CDK14: variants seen among roughly 807,000 people sequenced by gnomAD.
CDK14 encodes cyclin-dependent kinase 14.
In CDK14, 34 loss-of-function variants were observed where a neutral mutation model predicts 60.7. The observed-to-expected ratio is 0.56, with a 90% CI of 0.43 to 0.75. CDK14 has a LOEUF of 0.75. Among genes scored for constraint, CDK14 ranks in the 30% least tolerant of loss-of-function variants. The probability of loss-of-function intolerance (pLI) is 0.00; values close to 1 mark genes in which losing one functional copy is unlikely to be tolerated. For synonymous variants in CDK14, 197 were observed against 203.7 expected, an observed-to-expected ratio of 0.97 and a Z score of 0.28; for missense variants, 482 against 564.1, an observed-to-expected ratio of 0.85 and a Z score of 1.47.
chr7:90,668,013 C>T (rs1801020575), intron 2 of CDK14, among the ~76,000 whole-genome samples: 1 of 152,112 alleles, frequency 6.6e-6, no homozygotes, highest in Non-Finnish European at 1.5e-5. Context: ...TACAAGTTTT[C>T]ATGTTGATGT....
At chr7:91,001,566 A>T in intron 10 of CDK14, among the ~76,000 whole-genome samples, 1 of 152,210 alleles carries the variant, frequency 6.6e-6, no homozygotes, top group East Asian at 1.9e-4. Flanking sequence ...TGTTTCTTTC[A>T]TGGGAAAGGC....
At chr7:90,946,975 A>G (rs1794120078) in intron 8 of CDK14, among the ~76,000 whole-genome samples, 1 of 152,132 alleles carries the variant, frequency 6.6e-6, no homozygotes. Context: ...TTAAAACAAA[A>G]CAAACCAACA....
chr7:90,641,350 A>G (rs12672866), intron 2 of CDK14, among the ~76,000 whole-genome samples: 46,994 of 151,922 alleles, frequency 0.31, 8,178 homozygotes, highest in East Asian at 0.67. Context: ...CATTGTTCAT[A>G]ATAGCCAAAA....
rs549170160 is a variant in CDK14, at chr7:90,626,004, G to T, written c.123+21755G>T. On this transcript the variant is annotated intron_variant, in intron 2 of 14. Coordinates refer to ENST00000380050, the MANE Select transcript of CDK14 (RefSeq NM_001287135.2). ...TTCCATTTTTCTTTGTACTATGGAA[G>T]AAGAACTATGAGTTAATTTTAATTT... Among the ~76,000 whole-genome samples the T allele has an allele frequency of 1.1e-4, 17 of 152,320 alleles. No homozygotes were observed. In the South Asian group the frequency reaches 1.2e-3, roughly 11 times the overall value.
At chr7:90,598,123 C>A (rs984806504) in intron 1 of CDK14, among the ~76,000 whole-genome samples, 2 of 152,110 alleles carry the variant, frequency 1.3e-5, no homozygotes, top group African/African-American at 2.4e-5. Flanking sequence ...GTTCTGGAGT[C>A]CATTAAGCCG....
intron 5 of CDK14, among the ~76,000 whole-genome samples, chr7:90,844,318 T>G (rs138293269): frequency 1.3e-5 from 2 of 152,254 alleles, no homozygotes; most frequent in Non-Finnish European, 2.9e-5. Context: ...TCAGGTGGCT[T>G]TGATTGGGGG....
chr7:90,925,102 AG>A (rs1364601584), intron 8 of CDK14, among the ~76,000 whole-genome samples: 1 of 152,208 alleles, frequency 6.6e-6, no homozygotes, highest in Non-Finnish European at 1.5e-5. Flanking sequence ...TCAAGTTTAT[AG>A]GCCTAAAATA....
intron 14 of CDK14, among the ~76,000 whole-genome samples, chr7:91,170,246 T>C (rs1186124268): frequency 6.6e-6 from 1 of 152,042 alleles, no homozygotes; most frequent in East Asian, 1.9e-4. Flanking sequence ...AAAATAATAA[T>C]AAATGCTCAT....
intron 5 of CDK14, among the ~76,000 whole-genome samples, chr7:90,847,059 T>G (rs1019116851): frequency 6.6e-5 from 10 of 152,192 alleles, no homozygotes; most frequent in Non-Finnish European, 1.2e-4. Flanking sequence ...CTGCTTTATC[T>G]TACTTAGGGA....
intron 3 of CDK14, among the ~76,000 whole-genome samples, chr7:90,739,964 C>T (rs570122602): frequency 6.9e-4 from 105 of 152,116 alleles, no homozygotes; most frequent in African/African-American, 2.3e-3. Context: ...ACTAGTCAGG[C>T]GACTTTGAAT....
At chr7:90,676,946 GT>G (rs10668053) in intron 2 of CDK14, among the ~76,000 whole-genome samples, 40 of 149,134 alleles carry the variant, frequency 2.7e-4, no homozygotes, top group East Asian at 5.9e-4. Context: ...TGTATATCAA[GT>G]TTTTTTTTTT....
chr7:90,815,024 T>C (rs1428316913), intron 5 of CDK14, among the ~76,000 whole-genome samples: 1 of 152,242 alleles, frequency 6.6e-6, no homozygotes, highest in Non-Finnish European at 1.5e-5. Flanking sequence ...AACAATCTTT[T>C]TCCTTCTTTT....
intron 2 of CDK14, among the ~76,000 whole-genome samples, chr7:90,676,268 G>A (rs1801196505): frequency 6.6e-6 from 1 of 152,186 alleles, no homozygotes; most frequent in South Asian, 2.1e-4. Context: ...ATTGAGGGAG[G>A]CTTTACATTC....
chr7:91,073,863 A>G (rs1003524757), intron 11 of CDK14, among the ~76,000 whole-genome samples: 2 of 152,174 alleles, frequency 1.3e-5, no homozygotes, highest in Non-Finnish European at 2.9e-5. Context: ...TAGTCTCTTG[A>G]CAAAACAGAC....
chr7:91,112,519 C>G (rs771385540), intron 12 of CDK14, 23 bp from the exon 13 acceptor site: 3 of 1,605,690 alleles, frequency 1.9e-6, no homozygotes, highest in Non-Finnish European at 2.6e-6. Context: ...GGTCTGACCT[C>G]TCTTTTTTGC....
intron 7 of CDK14, among the ~76,000 whole-genome samples, chr7:90,903,342 G>C (rs1792581387): frequency 6.6e-6 from 1 of 152,084 alleles, no homozygotes; most frequent in Admixed American, 6.6e-5. Context: ...GATAGATAAA[G>C]AAAATGCAGT....
chr7:91,187,613 G>A (rs1802230729), intron 14 of CDK14, among the ~76,000 whole-genome samples: 4 of 152,156 alleles, frequency 2.6e-5, no homozygotes. Context: ...ACACACACGA[G>A]GAGTGAGTTT....
chr7:90,750,732 G>A (rs1248281867), intron 4 of CDK14, among the ~76,000 whole-genome samples: 2 of 152,060 alleles, frequency 1.3e-5, no homozygotes, highest in African/African-American at 4.8e-5. Context: ...AATTAGCTAG[G>A]TGTGGTGGCA....
chr7:90,741,298 C>T (rs1054935828), intron 3 of CDK14, among the ~76,000 whole-genome samples: 1 of 152,152 alleles, frequency 6.6e-6, no homozygotes, highest in Admixed American at 6.5e-5. Flanking sequence ...TTTTTATTAG[C>T]ATTAATGATG....
Sources: gnomAD v4.1 joint callset for allele counts (sites outside exome capture counted in the v4.1 genomes callset) on GRCh38, gnomAD v4.1.1 for gene constraint, MANE v1.5 for transcripts, NCBI Gene and HGNC (gene_info 2026-07-23, HGNC 2026-07-21) for gene names.